PTBP2: variants seen among roughly 807,000 people sequenced by gnomAD.
PTBP2 encodes the protein polypyrimidine tract-binding protein 2.
In PTBP2, 13 loss-of-function variants were observed where a neutral mutation model predicts 61.4. That is an observed-to-expected ratio of 0.21 (90% CI 0.14 to 0.34). The LOEUF (loss-of-function observed/expected upper bound fraction) is 0.34, where lower values mean the gene tolerates loss of function less well. PTBP2 is among the 10% of genes least tolerant of loss of function. PTBP2 has a pLI of 1.00. For missense variants in PTBP2, 405 were observed against 642.6 expected, an observed-to-expected ratio of 0.63 and a Z score of 4.00; for synonymous variants, 215 against 218.5, an observed-to-expected ratio of 0.98 and a Z score of 0.14.
intron 8 of PTBP2, among the ~76,000 whole-genome samples, chr1:96,785,876 G>A (rs565215475): frequency 6.6e-5 from 10 of 152,184 alleles, no homozygotes; most frequent in African/African-American, 2.4e-4. Flanking sequence ...TAAAAATACA[G>A]TGCAAACATA....
At chr1:96,815,122 C>T (rs1179166494), downstream of PTBP2, 1 of 151,726 alleles carries the variant, frequency 6.6e-6, no homozygotes, top group Non-Finnish European at 1.5e-5. Flanking sequence ...CATTTCCCAC[C>T]CTGTTATAAT....
At chr1:96,791,831 T>TTTTGTTTTTTTTTTTGTTTTG (rs1292684787) in intron 8 of PTBP2, among the ~76,000 whole-genome samples, 1 of 127,732 alleles carries the variant, frequency 7.8e-6, no homozygotes, top group Non-Finnish European at 1.6e-5. Context: ...TTGTGCTTTT[T>TTTTGTTTTTTTTTTTGTTTTG]TTTTTTTTTT....
chr1:96,791,933 A>G (rs1049539752), intron 8 of PTBP2, among the ~76,000 whole-genome samples: 1 of 145,634 alleles, frequency 6.9e-6, no homozygotes, highest in African/African-American at 2.5e-5. Context: ...TCCTGGGTTC[A>G]CGCCATTCTC....
intron 2 of PTBP2, among the ~76,000 whole-genome samples, chr1:96,741,591 ACT>A (rs1278159020): frequency 2.0e-5 from 3 of 148,818 alleles, no homozygotes; most frequent in Non-Finnish European, 4.5e-5. Context: ...CCTACAGATA[ACT>A]CTCTCCTCTC....
chr1:96,807,351 G>T (rs1006264262), intron 11 of PTBP2, among the ~76,000 whole-genome samples: 1 of 152,120 alleles, frequency 6.6e-6, no homozygotes, highest in Non-Finnish European at 1.5e-5. Context: ...AAAGTCTTGC[G>T]ATACCAGGTT....
In PTBP2 at chr1:96,762,271, G is replaced by A. The variant is rs544862464; in HGVS notation, c.116-7432G>A. On this transcript the variant is annotated intron_variant, in intron 3 of 13. Coordinates refer to ENST00000674951, the MANE Select transcript of PTBP2 (RefSeq NM_021190.4). ...ACACCTCCCAGACGGGGTGGTGGCC[G>A]GGCAGAGGGGCTCCTCACTTCCCAG... 3.6e-3 allele frequency among the ~76,000 whole-genome samples: 539 copies of A among 148,984 alleles called. 8 individuals carry two copies. Among genetic ancestry groups the A allele is most frequent in the African/African-American group, 0.013 (518 of 39,286 alleles).
rs142692628 is a variant in PTBP2 at position 96,760,333 on chromosome 1, A to G, written c.115+8833A>G. On this transcript the variant is annotated intron_variant, in intron 3 of 13. Transcript: ENST00000674951. ...ACCATTAGAGATAGAATTTACACCAACTAGAATGGCTAAAATTAAATAGAT... is the reference window on the plus strand; with the variant it reads ...ACCATTAGAGATAGAATTTACACCAGCTAGAATGGCTAAAATTAAATAGAT... Among the ~76,000 whole-genome samples, 43 of 152,230 alleles carry G rather than the reference A, an allele frequency of 2.8e-4. No individual in the cohort carries two copies. In the East Asian group the frequency reaches 7.1e-3, roughly 25 times the overall value.
chr1:96,722,842 A>T (rs1318098681), intron 1 of PTBP2, among the ~76,000 whole-genome samples: 3 of 152,212 alleles, frequency 2.0e-5, no homozygotes, highest in African/African-American at 4.8e-5. Context: ...TGTCTCGCTC[A>T]TATGCTTCAC....
chr1:96,813,638 T>C lies in PTBP2; in HGVS notation c.*233T>C, dbSNP rs1174151424. On this transcript the variant is annotated 3_prime_UTR_variant, in exon 14 of 14. Transcript: ENST00000674951. ...TTCTATAGGGAAGCCATTTTGTCTG[T>C]TTAAAATTTCAGTTTAATTTTGCTT... 1.1e-5 allele frequency: 4 copies of C among 351,150 alleles called. No individual in the cohort carries two copies. The East Asian group carries it at 1.7e-4, about 15-fold the overall frequency. 21.8% of individuals were successfully genotyped at this position (351,150 alleles called of 1,614,324 possible).
intron 5 of PTBP2, among the ~76,000 whole-genome samples, chr1:96,772,567 C>G (rs1235408056): frequency 3.3e-5 from 5 of 152,104 alleles, no homozygotes; most frequent in African/African-American, 4.8e-5. Context: ...CACCCCTTCC[C>G]TGTTCACTCC....
At chr1:96,815,639 C>T (rs1032859108), downstream of PTBP2, 7 of 151,952 alleles carry the variant, frequency 4.6e-5, no homozygotes, top group East Asian at 1.3e-3. Flanking sequence ...AAAACTTACA[C>T]ATAGGATAAT....
chr1:96,782,722 G>A (rs147925698), intron 7 of PTBP2, among the ~76,000 whole-genome samples: 25 of 151,894 alleles, frequency 1.6e-4, no homozygotes, highest in Middle Eastern at 3.4e-3. Flanking sequence ...GTTTCTCTCA[G>A]TGTGTGTTAA....
At chr1:96,815,078 A>G (rs1199727979), downstream of PTBP2, 1 of 152,462 alleles carries the variant, frequency 6.6e-6, no homozygotes, top group Non-Finnish European at 1.5e-5. Flanking sequence ...AATTTAAAAG[A>G]TGGTAACTGC....
intron 7 of PTBP2, among the ~76,000 whole-genome samples, chr1:96,783,066 A>G (rs1263181143): frequency 1.3e-5 from 2 of 151,996 alleles, no homozygotes; most frequent in Non-Finnish European, 2.9e-5. Context: ...AGATCACCAC[A>G]TTCCTGATTG....
At chr1:96,812,062 TG>T (rs934090139) in intron 11 of PTBP2, among the ~76,000 whole-genome samples, 8 of 152,216 alleles carry the variant, frequency 5.3e-5, no homozygotes, top group Non-Finnish European at 2.9e-5. Context: ...TTTTGGATTT[TG>T]GAACATTTCA....
intron 8 of PTBP2, among the ~76,000 whole-genome samples, chr1:96,785,559 C>G (rs1156394226): frequency 6.6e-6 from 1 of 152,090 alleles, no homozygotes; most frequent in African/African-American, 2.4e-5. Context: ...TTCTTAATGC[C>G]ATATTTACAC....
chr1:96,744,094 G>A (rs186090636), intron 2 of PTBP2, among the ~76,000 whole-genome samples: 46 of 151,688 alleles, frequency 3.0e-4, no homozygotes, highest in Admixed American at 2.6e-3. Flanking sequence ...GGGAGGCTGA[G>A]GCAGAAAAAT....
intron 5 of PTBP2, among the ~76,000 whole-genome samples, chr1:96,774,927 C>T (rs567871973): frequency 3.3e-4 from 50 of 152,272 alleles, no homozygotes; most frequent in Admixed American, 3.2e-3. Flanking sequence ...GGCATGTTTT[C>T]TCTTGATGTC....
rs1428015664 is a variant in PTBP2 at position 96,813,089 on chromosome 1, A to G, written c.1449A>G (p.Lys483=). 14 of 1,611,948 alleles carry G rather than the reference A, an allele frequency of 8.7e-6. No individual in the cohort carries two copies. Among genetic ancestry groups the G allele is most frequent in the Non-Finnish European group, 1.2e-5 (14 of 1,178,896 alleles). The change falls in exon 13 of 14, where the codon AAA becomes AAG. Residue 483 remains lysine, a synonymous_variant. Coordinates refer to ENST00000674951, the MANE Select transcript of PTBP2 (RefSeq NM_021190.4). ...TLFANTGGTV[K]AFKFFQDHKM... is the part of the protein sequence containing the mutation. Reference sequence around the variant, plus strand: ...TCGCTAACACTGGGGGCACTGTGAAAGCATTTAAGTTTTTTCAGTAAGCAA... The same window carrying G: ...TCGCTAACACTGGGGGCACTGTGAAGGCATTTAAGTTTTTTCAGTAAGCAA...
Sources: gnomAD v4.1 joint callset for allele counts (sites outside exome capture counted in the v4.1 genomes callset) on GRCh38, gnomAD v4.1.1 for gene constraint, MANE v1.5 for transcripts, NCBI Gene and HGNC (gene_info 2026-07-23, HGNC 2026-07-21) for gene names.